Variants in SEMA5A observed in about 807,000 individuals in gnomAD.
SEMA5A encodes the protein semaphorin 5A.
Under a neutral mutation model 135.5 loss-of-function variants are expected in SEMA5A, and 55 were observed. That is an observed-to-expected ratio of 0.41 (90% CI 0.33 to 0.51). The LOEUF is 0.51. Among genes scored for constraint, SEMA5A ranks in the 20% least tolerant of loss-of-function variants. The probability of loss-of-function intolerance (pLI) is 0.37; values close to 1 mark genes in which losing one functional copy is unlikely to be tolerated. For synonymous variants in SEMA5A, 580 were observed against 546.5 expected, an observed-to-expected ratio of 1.06 and a Z score of -0.85; for missense variants, 1,290 against 1,419.9, an observed-to-expected ratio of 0.91 and a Z score of 1.47.
intron 9 of SEMA5A, 112 bp from the exon 10 acceptor site, chr5:9,197,415 C>T (rs954902995): frequency 6.2e-6 from 8 of 1,284,436 alleles, no homozygotes; most frequent in Admixed American, 4.6e-5. Flanking sequence ...GGTCTCAAGA[C>T]CACAGTCTCT....
At chr5:9,185,709 T>C (rs959300137) in intron 11 of SEMA5A, among the ~76,000 whole-genome samples, 1 of 152,352 alleles carries the variant, frequency 6.6e-6, no homozygotes, top group South Asian at 2.1e-4. Context: ...TTTAAGATTA[T>C]ATACAATTTA....
At chr5:9,244,112 G>A (rs1294828300) in intron 5 of SEMA5A, among the ~76,000 whole-genome samples, 1 of 152,182 alleles carries the variant, frequency 6.6e-6, no homozygotes, top group Admixed American at 6.5e-5. Context: ...GAAAGGTGCA[G>A]CCAGGGTATG....
chr5:9,467,776 CCCA>C (rs1420895618), intron 1 of SEMA5A, among the ~76,000 whole-genome samples: 2 of 152,130 alleles, frequency 1.3e-5, no homozygotes, highest in African/African-American at 4.8e-5. Context: ...CCCGCCCTGG[CCCA>C]GCGTGGGTCT....
At chr5:9,089,296 T>C (rs1007683842) in intron 16 of SEMA5A, among the ~76,000 whole-genome samples, 5 of 152,298 alleles carry the variant, frequency 3.3e-5, no homozygotes, top group Admixed American at 6.5e-5. Flanking sequence ...ATAACTTTTG[T>C]TCAATGGTGT....
intron 6 of SEMA5A, among the ~76,000 whole-genome samples, chr5:9,231,321 A>C (rs1183595056): frequency 1.3e-5 from 2 of 151,976 alleles, no homozygotes; most frequent in Admixed American, 1.3e-4. Context: ...AAAGTTAGCC[A>C]AGTGTGGTAA....
chr5:9,419,101 T>A (rs374299952), intron 2 of SEMA5A, among the ~76,000 whole-genome samples: 14 of 151,580 alleles, frequency 9.2e-5, no homozygotes, highest in Admixed American at 7.9e-4. Flanking sequence ...ATTTTTTTTT[T>A]ATTTCTGCCT....
chr5:9,112,831 C>T (rs985988340), intron 15 of SEMA5A, among the ~76,000 whole-genome samples: 7 of 152,198 alleles, frequency 4.6e-5, no homozygotes, highest in African/African-American at 7.2e-5. Context: ...TGGAATGTCA[C>T]TTCTGTCATT....
At chr5:9,137,989 A>G (rs55989322) in intron 12 of SEMA5A, among the ~76,000 whole-genome samples, 44,487 of 152,004 alleles carry the variant, frequency 0.29, 6,618 homozygotes, top group Non-Finnish European at 0.32. Flanking sequence ...AAGGCTGTAC[A>G]GCTAGGGAAG....
Position 9,066,525 on chromosome 5 carries a change from G to A in SEMA5A, c.2195C>T (p.Thr732Ile), listed in dbSNP as rs1287006780. ...CGGATCAGCCAGGCGGGCTTTGCAT[G>A]TGTATCGGAATCGTTGCTCATAGTG... ...GGHYEQRFRY[T>I]CKARLADPNL... The change falls in exon 17 of 23, where the codon ACA becomes ATA. Residue 732 changes from threonine to isoleucine, a missense_variant. Physicochemically the swap from Thr to Ile is moderately conservative, Grantham distance 89. Coordinates refer to ENST00000382496, the MANE Select transcript of SEMA5A (RefSeq NM_003966.3). 2 of 1,614,170 alleles carry A rather than the reference G, an allele frequency of 1.2e-6. No individual in the cohort carries two copies. The highest frequency in any genetic ancestry group is 3.3e-5 in the Admixed American group (2 of 60,020).
At position 9,402,013 on chromosome 5, in the gene SEMA5A, A is replaced by C. The variant is rs9885449; in HGVS notation, c.-77-21990T>G. ...GAAAATTGTGTCCTTATTTGCTGTAACCACATGTTCACTACAATTAACTCT... is the reference window on the plus strand; with the variant it reads ...GAAAATTGTGTCCTTATTTGCTGTACCCACATGTTCACTACAATTAACTCT... On this transcript the variant is annotated intron_variant, in intron 2 of 22. Coordinates refer to ENST00000382496, the MANE Select transcript of SEMA5A (RefSeq NM_003966.3). Among the ~76,000 whole-genome samples, 279 of 152,304 alleles carry C rather than the reference A, an allele frequency of 1.8e-3. 1 individual carries two copies. Among genetic ancestry groups the C allele is most frequent in the African/African-American group, 6.3e-3 (263 of 41,554 alleles).
chr5:9,446,697 C>T (rs1328034697), intron 1 of SEMA5A, among the ~76,000 whole-genome samples: 1 of 152,178 alleles, frequency 6.6e-6, no homozygotes, highest in East Asian at 1.9e-4. Flanking sequence ...ACACAGCCAA[C>T]AAGACTTATT....
At chr5:9,255,804 C>A (rs146653259) in intron 5 of SEMA5A, among the ~76,000 whole-genome samples, 1 of 152,196 alleles carries the variant, frequency 6.6e-6, no homozygotes. Context: ...AGTATTAATT[C>A]TTCCACCTCT....
At chr5:9,235,300 A>G (rs2150445027) in intron 6 of SEMA5A, among the ~76,000 whole-genome samples, 1 of 152,370 alleles carries the variant, frequency 6.6e-6, no homozygotes, top group East Asian at 1.9e-4. Flanking sequence ...GAGCATAAAA[A>G]TCAAAATAAA....
At chr5:9,525,739 T>G (rs950011629) in intron 1 of SEMA5A, among the ~76,000 whole-genome samples, 1 of 152,230 alleles carries the variant, frequency 6.6e-6, no homozygotes, top group Non-Finnish European at 1.5e-5. Flanking sequence ...GAGAAAACTT[T>G]GATAAGGTTT....
At chr5:9,359,155 C>A (rs987371785) in intron 3 of SEMA5A, among the ~76,000 whole-genome samples, 2 of 152,164 alleles carry the variant, frequency 1.3e-5, no homozygotes, top group African/African-American at 2.4e-5. Flanking sequence ...CTCCTCCCCC[C>A]ACCAGCTAGA....
At chr5:9,353,951 T>TA (rs1445658930) in intron 3 of SEMA5A, among the ~76,000 whole-genome samples, 2 of 145,062 alleles carry the variant, frequency 1.4e-5, no homozygotes, top group East Asian at 2.0e-4. Context: ...TGTTAAACTT[T>TA]AAAAAAAGAA....
intron 16 of SEMA5A, among the ~76,000 whole-genome samples, chr5:9,088,302 C>CAAAAA (rs58686803): frequency 1.2e-4 from 8 of 68,012 alleles, no homozygotes; most frequent in East Asian, 3.1e-4. Flanking sequence ...GACTCCATCT[C>CAAAAA]AAAAAAAAAA....
intron 1 of SEMA5A, among the ~76,000 whole-genome samples, chr5:9,472,936 T>C (rs1348890498): frequency 1.3e-5 from 2 of 150,410 alleles, no homozygotes; most frequent in African/African-American, 4.9e-5. Flanking sequence ...TAAAGTGAAA[T>C]CCTTTAAAAG....
chr5:9,353,260 GGAAGC>G (rs1754267705), intron 3 of SEMA5A, among the ~76,000 whole-genome samples: 3 of 137,952 alleles, frequency 2.2e-5, no homozygotes, highest in Admixed American at 7.2e-5. Flanking sequence ...GGAAGGGAAG[GGAAGC>G]AAAGGAAAGG....
Sources: allele counts gnomAD v4.1 joint callset (sites outside exome capture counted in the v4.1 genomes callset), GRCh38; gene constraint gnomAD v4.1.1; transcripts MANE v1.5; gene names NCBI Gene and HGNC (gene_info 2026-07-23, HGNC 2026-07-21).